The following ARK2C variants were observed in gnomAD, a reference collection of about 807,000 sequenced individuals.
ARK2C encodes the protein arkadia (RNF111) C-terminal like ring finger ubiquitin ligase 2C.
the ARK2C span, among the ~76,000 whole-genome samples, chr18:46,399,578 A>G: frequency 6.6e-6 from 1 of 152,138 alleles, no homozygotes. Flanking sequence ...GAAAACGGTG[A>G]GGCAATGATG....
the ARK2C span, among the ~76,000 whole-genome samples, chr18:46,368,117 A>G: frequency 2.0e-5 from 3 of 152,170 alleles, no homozygotes; most frequent in Non-Finnish European, 4.4e-5. Flanking sequence ...ATGGTGGGAA[A>G]CTACTGCTCT....
the ARK2C span, among the ~76,000 whole-genome samples, chr18:46,368,580 C>T: frequency 0.11 from 16,656 of 152,240 alleles, 1,770 homozygotes; most frequent in African/African-American, 0.27. Context: ...CCTTCTGAGG[C>T]AATTCAATTC....
At chr18:46,425,820 C>T in the ARK2C span, among the ~76,000 whole-genome samples, 2 of 152,196 alleles carry the variant, frequency 1.3e-5, no homozygotes, top group Non-Finnish European at 2.9e-5. Flanking sequence ...GATGCTCTAA[C>T]AGAAGGCCAT....
the ARK2C span, among the ~76,000 whole-genome samples, chr18:46,413,807 T>A: frequency 6.6e-6 from 1 of 152,164 alleles, no homozygotes; most frequent in Admixed American, 6.5e-5. Context: ...CAAAAGGATG[T>A]ACATACAGAG....
the ARK2C span, among the ~76,000 whole-genome samples, chr18:46,364,728 C>CTGATGGAGG: frequency 2.0e-5 from 3 of 152,192 alleles, no homozygotes; most frequent in Non-Finnish European, 4.4e-5. Context: ...TCTGCCCATC[C>CTGATGGAGG]GTGCTCACAT....
chr18:46,439,222 G>C, the ARK2C span, among the ~76,000 whole-genome samples: 215 of 152,336 alleles, frequency 1.4e-3, no homozygotes, highest in African/African-American at 4.9e-3. Flanking sequence ...TCCCCTGAAG[G>C]CTGATGGCTT....
At chr18:46,400,044 TG>T in the ARK2C span, among the ~76,000 whole-genome samples, 2 of 152,232 alleles carry the variant, frequency 1.3e-5, no homozygotes, top group Admixed American at 1.3e-4. Context: ...CCTGGGGTGC[TG>T]GGCACTCTGG....
the ARK2C span, among the ~76,000 whole-genome samples, chr18:46,419,183 T>A: frequency 1.3e-5 from 2 of 152,262 alleles, no homozygotes; most frequent in Admixed American, 6.5e-5. Context: ...CTCCCCTGCC[T>A]GGTATTTTAC....
the ARK2C span, among the ~76,000 whole-genome samples, chr18:46,410,791 C>G: frequency 6.6e-6 from 1 of 152,248 alleles, no homozygotes; most frequent in Non-Finnish European, 1.5e-5. Context: ...GCATGGTAAA[C>G]TCACTTTAAG....
chr18:46,425,596 C>T, the ARK2C span, among the ~76,000 whole-genome samples: 1 of 152,206 alleles, frequency 6.6e-6, no homozygotes, highest in Non-Finnish European at 1.5e-5. Flanking sequence ...GGGAGTCAGT[C>T]TTCCCTGAAG....
the ARK2C span, among the ~76,000 whole-genome samples, chr18:46,439,206 T>C: frequency 6.6e-6 from 1 of 152,324 alleles, no homozygotes; most frequent in South Asian, 2.1e-4. Context: ...GTAACAGGGA[T>C]CAGACTCCCC....
the ARK2C span, among the ~76,000 whole-genome samples, chr18:46,397,299 A>T: frequency 2.0e-5 from 3 of 152,036 alleles, no homozygotes; most frequent in Non-Finnish European, 4.4e-5. Context: ...GAAATACAAG[A>T]CCAGTGTATG....
chr18:46,379,254 T>C, the ARK2C span, among the ~76,000 whole-genome samples: 1 of 152,192 alleles, frequency 6.6e-6, no homozygotes, highest in Admixed American at 6.5e-5. Flanking sequence ...GTGCATCTAG[T>C]CCACAGGTTT....
the ARK2C span, among the ~76,000 whole-genome samples, chr18:46,399,962 C>A: frequency 9.3e-3 from 1,414 of 152,312 alleles, 19 homozygotes; most frequent in African/African-American, 0.032. Context: ...GTGATCAGGG[C>A]AAGTGGCTCA....
chr18:46,461,090 C>T, the ARK2C span: 2 of 152,254 alleles, frequency 1.3e-5, no homozygotes, highest in South Asian at 2.1e-4. Context: ...ACAAGAGGAA[C>T]ATCAGAGAGC....
chr18:46,379,805 C>T, the ARK2C span, among the ~76,000 whole-genome samples: 5 of 152,218 alleles, frequency 3.3e-5, no homozygotes, highest in East Asian at 9.6e-4. Context: ...TGTTTCAGGG[C>T]CCGTTCAAGA....
chr18:46,437,974 A>G, the ARK2C span, among the ~76,000 whole-genome samples: 1 of 152,218 alleles, frequency 6.6e-6, no homozygotes, highest in Non-Finnish European at 1.5e-5. Flanking sequence ...AAGCTCCCTG[A>G]GCCTGGAGTC....
the ARK2C span, among the ~76,000 whole-genome samples, chr18:46,440,370 C>G: frequency 1.3e-5 from 2 of 152,286 alleles, no homozygotes; most frequent in Admixed American, 1.3e-4. Flanking sequence ...TTGTTAGCCT[C>G]TTACTGTGCC....
chr18:46,340,974 C>T, the ARK2C span, among the ~76,000 whole-genome samples: 1 of 152,132 alleles, frequency 6.6e-6, no homozygotes, highest in Admixed American at 6.5e-5. Context: ...TGGCCAAGGC[C>T]AGTGGCTCTG....
Sources: gnomAD v4.1 joint callset for allele counts (sites outside exome capture counted in the v4.1 genomes callset) on GRCh38, gnomAD v4.1.1 for gene constraint, MANE v1.5 for transcripts, NCBI Gene and HGNC (gene_info 2026-07-23, HGNC 2026-07-21) for gene names.